The following TTC27 variants were observed in gnomAD, a reference collection of about 807,000 sequenced individuals.
TTC27 encodes the protein tetratricopeptide repeat domain 27, also known as tetratricopeptide repeat protein 27.
Under a neutral mutation model 115.9 loss-of-function variants are expected in TTC27, and 79 were observed. The ratio of observed to expected loss-of-function variants is 0.68; its 90% confidence interval spans 0.57 to 0.82. The LOEUF (loss-of-function observed/expected upper bound fraction) is 0.82, where lower values mean the gene tolerates loss of function less well. TTC27 is among the 40% of genes least tolerant of loss of function. The pLI is 0.00. For synonymous variants in TTC27, 401 were observed against 356.0 expected, an observed-to-expected ratio of 1.13 and a Z score of -1.42; for missense variants, 1,054 against 993.1, an observed-to-expected ratio of 1.06 and a Z score of -0.82.
chr2:32,682,844 G>GTTTTTTTATTTTTT (rs142030247), intron 9 of TTC27, among the ~76,000 whole-genome samples: 1 of 56,988 alleles, frequency 1.8e-5, no homozygotes, highest in African/African-American at 7.5e-5. Context: ...AATTTTTATT[G>GTTTTTTTATTTTTT]TTGTTTTTTT....
intron 10 of TTC27, among the ~76,000 whole-genome samples, chr2:32,729,523 A>G (rs1007294935): frequency 3.5e-5 from 5 of 142,394 alleles, no homozygotes; most frequent in African/African-American, 1.2e-4. Context: ...GCACAAATAC[A>G]TATTCTCAAA....
rs1572584911 is a variant in TTC27 at position 32,758,886 on chromosome 2, A to G, written c.1680+367A>G. On this transcript the variant is annotated intron_variant, in intron 13 of 19. Transcript: ENST00000317907. ...ATAGGACTTTGCAAGTATTTGCTGA[A>G]ATCAGTAATGAAAGAAAAACCTTTA... is the stretch of plus-strand genomic sequence containing the variant. Among the ~76,000 whole-genome samples, 3 of 152,346 alleles carry G rather than the reference A, an allele frequency of 2.0e-5. 1 individual carries two copies. The highest frequency in any genetic ancestry group is 2.0e-4 in the Admixed American group (3 of 15,306).
chr2:32,801,282 A>G (rs1670925753), intron 16 of TTC27, among the ~76,000 whole-genome samples: 1 of 152,208 alleles, frequency 6.6e-6, no homozygotes, highest in African/African-American at 2.4e-5. Flanking sequence ...TGAGTTCTAG[A>G]GACCAGAAGT....
intron 10 of TTC27, among the ~76,000 whole-genome samples, chr2:32,707,711 A>G (rs1667426405): frequency 1.3e-5 from 2 of 152,208 alleles, no homozygotes. Context: ...TGTTTCTTAG[A>G]AATACAAATA....
intron 13 of TTC27, among the ~76,000 whole-genome samples, chr2:32,761,472 C>G (rs1040559278): frequency 2.6e-5 from 4 of 152,160 alleles, no homozygotes; most frequent in Non-Finnish European, 5.9e-5. Context: ...TGGTAATACC[C>G]AGTCTCTTAA....
At chr2:32,772,654 G>A (rs940690882) in intron 13 of TTC27, among the ~76,000 whole-genome samples, 10 of 152,178 alleles carry the variant, frequency 6.6e-5, no homozygotes, top group Non-Finnish European at 1.5e-4. Context: ...TATGCTAGGT[G>A]AAGCTATTAG....
chr2:32,771,952 T>G (rs1024374165), intron 13 of TTC27, among the ~76,000 whole-genome samples: 34 of 152,238 alleles, frequency 2.2e-4, no homozygotes, highest in African/African-American at 8.2e-4. Flanking sequence ...ACAGAAAAAT[T>G]CAAAACAGTT....
intron 13 of TTC27, among the ~76,000 whole-genome samples, chr2:32,758,920 G>C (rs1315612938): frequency 6.6e-6 from 1 of 152,028 alleles, no homozygotes; most frequent in Non-Finnish European, 1.5e-5. Flanking sequence ...TATATAAATA[G>C]GATAGCATAT....
At chr2:32,776,628 AGAT>A (rs1231063482) in intron 13 of TTC27, among the ~76,000 whole-genome samples, 1 of 151,988 alleles carries the variant, frequency 6.6e-6, no homozygotes, top group Non-Finnish European at 1.5e-5. Context: ...GTTTTGTTTG[AGAT>A]GGAGTCTCAC....
chr2:32,786,920 C>T, intron 15 of TTC27, 64 bp from the exon 16 acceptor site: 2 of 1,345,796 alleles, frequency 1.5e-6, no homozygotes, highest in Non-Finnish European at 2.0e-6. Context: ...ATACATTTAG[C>T]TATGCTTTAT....
At chr2:32,789,942 A>T (rs1227912363) in intron 16 of TTC27, among the ~76,000 whole-genome samples, 1 of 146,994 alleles carries the variant, frequency 6.8e-6, no homozygotes, top group Admixed American at 6.9e-5. Context: ...AAAAAAAAAA[A>T]AAAAGAGAAG....
rs576314999 is a variant in TTC27 at position 32,646,550 on chromosome 2, A to G, written c.538-3581A>G. ...AGTAGAAAAATAGGCTATGCTTTCT[A>G]TATTTGGTTTTTTTTTTTTTTTTTT... On this transcript the variant is annotated intron_variant, in intron 4 of 19. Transcript: ENST00000317907. Among the ~76,000 whole-genome samples, 4 of 134,710 alleles carry G rather than the reference A, an allele frequency of 3.0e-5. No individual in the cohort carries two copies. In the South Asian group the frequency reaches 7.1e-4, roughly 24 times the overall value. The allele number at this position is 134,710 out of a possible 152,430, so 88.4% of individuals were successfully genotyped here.
chr2:32,690,050 C>T (rs904242381), intron 9 of TTC27, among the ~76,000 whole-genome samples: 92 of 152,238 alleles, frequency 6.0e-4, no homozygotes, highest in African/African-American at 2.1e-3. Flanking sequence ...TTAAGGTCAT[C>T]ATGAGTAGGT....
rs1176867210 is a variant in TTC27 at position 32,755,170 on chromosome 2, C to T, written c.1453-3122C>T. Among the ~76,000 whole-genome samples, 12 of 152,212 alleles carry T rather than the reference C, an allele frequency of 7.9e-5. No individual in the cohort carries two copies. The East Asian group carries it at 1.6e-3, about 20-fold the overall frequency. On this transcript the variant is annotated intron_variant, in intron 12 of 19. Transcript: ENST00000317907. ...GCCAGGCAGAGACGCTCCTCACTTCCCAGACGGGGTGGCGGCCGGGCAGAG... is the reference window on the plus strand; with the variant it reads ...GCCAGGCAGAGACGCTCCTCACTTCTCAGACGGGGTGGCGGCCGGGCAGAG...
chr2:32,706,430 A>G (rs1667370652), intron 10 of TTC27, among the ~76,000 whole-genome samples: 1 of 152,002 alleles, frequency 6.6e-6, no homozygotes, highest in South Asian at 2.1e-4. Flanking sequence ...GCCCATTTGA[A>G]TAAGTATTAA....
At position 32,672,352 on chromosome 2, in the gene TTC27, T is replaced by C. The variant is rs1218878427; in HGVS notation, c.1020T>C (p.Cys340=). The change falls in exon 8 of 20, where the codon TGT becomes TGC. Residue 340 remains cysteine (C), a synonymous_variant. Transcript: ENST00000317907. ...DCEQFQMPDL[C]AEEIAIILGI... is the part of the protein sequence containing the mutation. Reference sequence around the variant, plus strand: ...AACAGTTCCAGATGCCGGATCTGTGTGCTGAAGAGATCGCTATTATTCTTG... The same window carrying C: ...AACAGTTCCAGATGCCGGATCTGTGCGCTGAAGAGATCGCTATTATTCTTG... 9.3e-6 allele frequency: 15 copies of C among 1,613,616 alleles called. No homozygotes were observed. The highest frequency in any genetic ancestry group is 3.3e-4 in the Middle Eastern group (2 of 6,082).
Position 32,711,502 on chromosome 2 carries a change from T to A in TTC27, c.1233+8582T>A, listed in dbSNP as rs368460150. On this transcript the variant is annotated intron_variant, in intron 10 of 19. Coordinates refer to ENST00000317907, the MANE Select transcript of TTC27 (RefSeq NM_017735.5). The stretch of plus-strand genomic sequence containing the variant: ...ATATTACTTTGTTTGTTGAAGTTAC[T>A]GCATCCCTGAGGAATAAGAGGAAAA... Among the ~76,000 whole-genome samples, 3 of 152,360 alleles carry A rather than the reference T, an allele frequency of 2.0e-5. No individual in the cohort carries two copies. In the East Asian group the frequency reaches 5.8e-4, roughly 29 times the overall value.
At chr2:32,636,054 A>G (rs1664412084) in intron 3 of TTC27, among the ~76,000 whole-genome samples, 1 of 152,212 alleles carries the variant, frequency 6.6e-6, no homozygotes, top group African/African-American at 2.4e-5. Flanking sequence ...TCAGTTATCT[A>G]GAAATGTACT....
intron 10 of TTC27, among the ~76,000 whole-genome samples, chr2:32,720,811 C>G (rs113978405): frequency 1.5e-3 from 222 of 152,268 alleles, no homozygotes; most frequent in African/African-American, 5.1e-3. Flanking sequence ...ATATTATGAA[C>G]CGGTCATTTA....
Sources: gnomAD v4.1 joint callset for allele counts (sites outside exome capture counted in the v4.1 genomes callset) on GRCh38, gnomAD v4.1.1 for gene constraint, MANE v1.5 for transcripts, NCBI Gene and HGNC (gene_info 2026-07-23, HGNC 2026-07-21) for gene names.